Variants in CHCHD3 observed in about 807,000 individuals in gnomAD.
CHCHD3 encodes the protein MICOS complex subunit MIC19.
CHCHD3 carries 20 observed loss-of-function variants against 38.2 expected under a neutral mutation model. The observed-to-expected ratio is 0.52, with a 90% CI of 0.37 to 0.76. The LOEUF (loss-of-function observed/expected upper bound fraction) is 0.76. Among genes scored for constraint, CHCHD3 ranks in the 30% least tolerant of loss-of-function variants. The pLI is 0.00. For missense variants in CHCHD3, 245 were observed against 279.2 expected (o/e 0.88, Z 0.87); for synonymous variants, 82 against 100.0 (o/e 0.82, Z 1.07).
intron 6 of CHCHD3, among the ~76,000 whole-genome samples, chr7:132,824,890 G>A (rs1282528668): frequency 6.6e-6 from 1 of 152,198 alleles, no homozygotes; most frequent in Non-Finnish European, 1.5e-5. Context: ...CTGGGATTCC[G>A]AACCTCCTAG....
chr7:132,918,926 T>C (rs183533663), intron 4 of CHCHD3, among the ~76,000 whole-genome samples: 1 of 152,126 alleles, frequency 6.6e-6, no homozygotes, highest in Non-Finnish European at 1.5e-5. Context: ...TGTCAGAAAG[T>C]CTACCAGTGA....
At chr7:132,804,858 C>T (rs1168335326) in intron 6 of CHCHD3, among the ~76,000 whole-genome samples, 1 of 152,122 alleles carries the variant, frequency 6.6e-6, no homozygotes, top group East Asian at 1.9e-4. Flanking sequence ...ATTGATTTGC[C>T]CTTTAAGTGT....
chr7:132,916,693 C>G (rs1396128785), intron 4 of CHCHD3, among the ~76,000 whole-genome samples: 1 of 152,150 alleles, frequency 6.6e-6, no homozygotes, highest in Non-Finnish European at 1.5e-5. Context: ...GTGATCCTCC[C>G]ACCTCAGCCT....
chr7:132,990,643 C>A (rs184680642), intron 3 of CHCHD3, among the ~76,000 whole-genome samples: 5 of 152,154 alleles, frequency 3.3e-5, no homozygotes, highest in African/African-American at 1.2e-4. Context: ...ACAAAACATA[C>A]ATCATTTACA....
At chr7:132,937,093 CCTT>C (rs1407412297) in intron 4 of CHCHD3, among the ~76,000 whole-genome samples, 4 of 152,108 alleles carry the variant, frequency 2.6e-5, no homozygotes, top group African/African-American at 9.7e-5. Flanking sequence ...TAACTGATTC[CCTT>C]CTTAAACATG....
intron 3 of CHCHD3, among the ~76,000 whole-genome samples, chr7:132,983,526 T>G (rs935731717): frequency 6.6e-6 from 1 of 152,226 alleles, no homozygotes; most frequent in Non-Finnish European, 1.5e-5. Flanking sequence ...GTTACGAGTA[T>G]CTGCTTAACA....
chr7:133,052,483 G>A (rs2117503597), intron 2 of CHCHD3, among the ~76,000 whole-genome samples: 1 of 152,300 alleles, frequency 6.6e-6, no homozygotes, highest in Middle Eastern at 3.4e-3. Flanking sequence ...ATCCCTTGAT[G>A]TCACTGACCA....
chr7:132,945,376 A>G (rs544703280), intron 4 of CHCHD3, among the ~76,000 whole-genome samples: 3 of 152,146 alleles, frequency 2.0e-5, no homozygotes, highest in African/African-American at 7.2e-5. Context: ...GTAAATAAAT[A>G]TAAAAGAATG....
chr7:132,877,444 T>C (rs1808940860), intron 5 of CHCHD3, among the ~76,000 whole-genome samples: 1 of 152,318 alleles, frequency 6.6e-6, no homozygotes, highest in South Asian at 2.1e-4. Context: ...AGCAGGTAGA[T>C]TGTAAAATGG....
rs145197207 is a variant in CHCHD3, at chr7:132,940,179, T to C, written c.369+34990A>G. ...TCAGATGAAATTTTAGCACTTAAGG[T>C]TGAAATACTACATGAGGCAATGCTT... On this transcript the variant is annotated intron_variant, in intron 4 of 7. Coordinates refer to ENST00000262570, the MANE Select transcript of CHCHD3 (RefSeq NM_017812.4). 8.2e-4 allele frequency among the ~76,000 whole-genome samples: 125 copies of C among 152,318 alleles called. 1 individual carries two copies. The highest frequency in any genetic ancestry group is 2.8e-3 in the African/African-American group (116 of 41,576).
intron 4 of CHCHD3, among the ~76,000 whole-genome samples, chr7:132,956,534 A>G (rs948768578): frequency 6.6e-6 from 1 of 152,222 alleles, no homozygotes; most frequent in African/African-American, 2.4e-5. Context: ...TATAAATTGT[A>G]AAAGCTTTAT....
intron 4 of CHCHD3, among the ~76,000 whole-genome samples, chr7:132,915,517 T>C (rs961255641): frequency 6.6e-6 from 1 of 152,162 alleles, no homozygotes; most frequent in Non-Finnish European, 1.5e-5. Context: ...CTCTTGTATC[T>C]TTTTTTCTTT....
chr7:132,962,851 T>C (rs1302748921), intron 4 of CHCHD3, among the ~76,000 whole-genome samples: 5 of 152,156 alleles, frequency 3.3e-5, no homozygotes, highest in Non-Finnish European at 7.3e-5. Flanking sequence ...AATACTACTG[T>C]TTGCAAATTA....
chr7:132,989,872 T>G (rs1812224749), intron 3 of CHCHD3, among the ~76,000 whole-genome samples: 1 of 152,170 alleles, frequency 6.6e-6, no homozygotes, highest in African/African-American at 2.4e-5. Context: ...CAGCTTTTTA[T>G]CTTAAAGTAC....
intron 6 of CHCHD3, among the ~76,000 whole-genome samples, chr7:132,798,224 T>A (rs1162864584): frequency 6.6e-6 from 1 of 152,006 alleles, no homozygotes; most frequent in Admixed American, 6.6e-5. Flanking sequence ...GAAAAAAAAA[T>A]GTTTCAACAA....
intron 3 of CHCHD3, among the ~76,000 whole-genome samples, chr7:133,015,280 T>C (rs940469417): frequency 1.3e-5 from 2 of 151,554 alleles, no homozygotes; most frequent in African/African-American, 4.9e-5. Context: ...GAGGCGGAGG[T>C]TGCAGTGAGC....
In CHCHD3 at chr7:133,021,692, A is replaced by G. The variant is rs532153992; in HGVS notation, c.251+2854T>C. Reference sequence around the variant, plus strand: ...ACTACTTTTCCTCACCACTCACCACATATGTAGAGTGACTAGATATGTGGA... The same window carrying G: ...ACTACTTTTCCTCACCACTCACCACGTATGTAGAGTGACTAGATATGTGGA... On this transcript the variant is annotated intron_variant, in intron 3 of 7. Coordinates refer to ENST00000262570, the MANE Select transcript of CHCHD3 (RefSeq NM_017812.4). Among the ~76,000 whole-genome samples, 8 of 152,352 alleles carry G rather than the reference A, an allele frequency of 5.3e-5. No homozygotes were observed. In the East Asian group the frequency reaches 1.5e-3, roughly 29 times the overall value.
At chr7:132,896,365 A>T (rs187341674) in intron 4 of CHCHD3, among the ~76,000 whole-genome samples, 1 of 152,218 alleles carries the variant, frequency 6.6e-6, no homozygotes, top group African/African-American at 2.4e-5. Flanking sequence ...GGCAGTGACT[A>T]TGCCATACCT....
chr7:132,850,365 C>G (rs964742769), intron 5 of CHCHD3, among the ~76,000 whole-genome samples: 2 of 151,524 alleles, frequency 1.3e-5, no homozygotes, highest in Non-Finnish European at 2.9e-5. Context: ...AGAAACAGAG[C>G]TATTTAGAGC....
Sources: allele counts gnomAD v4.1 joint callset (sites outside exome capture counted in the v4.1 genomes callset), GRCh38; gene constraint gnomAD v4.1.1; transcripts MANE v1.5; gene names NCBI Gene and HGNC (gene_info 2026-07-23, HGNC 2026-07-21).